The following SRC variants were observed in gnomAD, a reference collection of about 807,000 sequenced individuals.
The protein encoded by SRC is proto-oncogene tyrosine-protein kinase Src.
A neutral mutation model predicts 62.9 loss-of-function variants in SRC; 13 were observed. The observed-to-expected ratio is 0.21, with a 90% CI of 0.13 to 0.33. The LOEUF (loss-of-function observed/expected upper bound fraction) is 0.33. Among genes scored for constraint, SRC ranks in the 10% least tolerant of loss-of-function variants. The probability of loss-of-function intolerance (pLI) is 1.00; values close to 1 mark genes in which losing one functional copy is unlikely to be tolerated. For missense variants in SRC, 457 were observed against 737.3 expected (o/e 0.62, Z 4.40); for synonymous variants, 302 against 317.5 (o/e 0.95, Z 0.52).
chr20:37,350,395 A>C, intron 1 of SRC, among the ~76,000 whole-genome samples: 1 of 152,158 alleles, frequency 6.6e-6, no homozygotes, highest in East Asian at 1.9e-4. Flanking sequence ...CTGTCCTGTG[A>C]TTCAGTTTCT....
At chr20:37,382,285 G>A (rs769095992) in intron 2 of SRC, among the ~76,000 whole-genome samples, 1 of 152,182 alleles carries the variant, frequency 6.6e-6, no homozygotes, top group East Asian at 1.9e-4. Context: ...TGACCCCATC[G>A]TTACAGATGA....
chr20:37,350,515 G>C (rs960353008), intron 1 of SRC, among the ~76,000 whole-genome samples: 1 of 152,132 alleles, frequency 6.6e-6, no homozygotes, highest in South Asian at 2.1e-4. Context: ...CGCTGTTCCT[G>C]GGGGAGGGAG....
intron 1 of SRC, among the ~76,000 whole-genome samples, chr20:37,358,253 G>T (rs1321286690): frequency 6.6e-6 from 1 of 152,208 alleles, no homozygotes; most frequent in Non-Finnish European, 1.5e-5. Context: ...TTTGATCGCT[G>T]TTGTTTTTGT....
chr20:37,380,913 TAA>T (rs1441996294), intron 2 of SRC, among the ~76,000 whole-genome samples: 1 of 152,116 alleles, frequency 6.6e-6, no homozygotes, highest in Non-Finnish European at 1.5e-5. Flanking sequence ...CTCTGAATGA[TAA>T]AAGTTACCAT....
intron 2 of SRC, among the ~76,000 whole-genome samples, chr20:37,368,518 C>CTTTTTTTTTGTTTT (rs2070101694): frequency 1.4e-5 from 1 of 73,898 alleles, no homozygotes; most frequent in Non-Finnish European, 2.7e-5. Context: ...CCTATATTTT[C>CTTTTTTTTTGTTTT]TTTTTTTTTT....
At chr20:37,388,879 C>T (rs1281599962) in intron 5 of SRC, among the ~76,000 whole-genome samples, 2 of 152,084 alleles carry the variant, frequency 1.3e-5, no homozygotes, top group Admixed American at 1.3e-4. Context: ...AGTCTCACAC[C>T]TCATCCCGGG....
chr20:37,385,825 C>G (rs2070445985), intron 4 of SRC, among the ~76,000 whole-genome samples: 1 of 152,250 alleles, frequency 6.6e-6, no homozygotes, highest in Non-Finnish European at 1.5e-5. Context: ...CCCAGCACTG[C>G]CCAAAGCCCC....
intron 1 of SRC, among the ~76,000 whole-genome samples, chr20:37,349,310 G>T (rs1413463650): frequency 6.6e-6 from 1 of 152,172 alleles, no homozygotes; most frequent in African/African-American, 2.4e-5. Flanking sequence ...AGAGCCGGGG[G>T]TGTGGGAAGT....
chr20:37,366,234 T>A (rs747186666), intron 2 of SRC, among the ~76,000 whole-genome samples: 4 of 152,208 alleles, frequency 2.6e-5, no homozygotes, highest in Admixed American at 1.3e-4. Context: ...TCAGAGAGAT[T>A]GTGCTGGTGT....
chr20:37,349,625 T>C (rs1323708227), intron 1 of SRC, among the ~76,000 whole-genome samples: 2 of 152,212 alleles, frequency 1.3e-5, no homozygotes, highest in African/African-American at 4.8e-5. Context: ...CGCTGTTGCA[T>C]TGGACAGGTC....
chr20:37,378,128 A>ATG (rs373813777), intron 2 of SRC, among the ~76,000 whole-genome samples: 5 of 142,396 alleles, frequency 3.5e-5, no homozygotes, highest in South Asian at 2.2e-4. Flanking sequence ...GGCAGAGTGC[A>ATG]TGTGTGTGTG....
chr20:37,385,943 C>A (rs1600999504), intron 4 of SRC, 132 bp from the exon 5 acceptor site: 4 of 725,596 alleles, frequency 5.5e-6, no homozygotes, highest in Non-Finnish European at 9.8e-6. Context: ...CTTCACTGAA[C>A]CTGACTGTGT....
intron 2 of SRC, among the ~76,000 whole-genome samples, chr20:37,379,989 C>A (rs6018189): frequency 1 from 145,195 of 145,306 alleles, 72,542 homozygotes; most frequent in Middle Eastern, 1. Flanking sequence ...AAGAAAAAGA[C>A]CGAGAGAGCT....
chr20:37,388,882 A>G (rs572558479), intron 5 of SRC, among the ~76,000 whole-genome samples: 1 of 152,230 alleles, frequency 6.6e-6, no homozygotes, highest in South Asian at 2.1e-4. Flanking sequence ...CTCACACCTC[A>G]TCCCGGGGAC....
At chr20:37,395,352 G>C (rs2070627103) in intron 7 of SRC, among the ~76,000 whole-genome samples, 2 of 152,236 alleles carry the variant, frequency 1.3e-5, no homozygotes, top group Admixed American at 1.3e-4. Context: ...TGCCTGGCCA[G>C]GCTCCTGAGA....
chr20:37,403,146 T>A lies in SRC; in HGVS notation c.1403-25T>A, dbSNP rs2070768267. 6.6e-7 allele frequency: 1 copy of A among 1,512,866 alleles called. No homozygotes were observed. Among genetic ancestry groups the A allele is most frequent in the East Asian group, 2.5e-5 (1 of 40,488 alleles). 93.7% of individuals were successfully genotyped at this position (1,512,866 alleles called of 1,614,324 possible). The stretch of plus-strand genomic sequence containing the variant: ...CCCACTTTCCTCACCGGAGCCGGGC[T>A]CCCCATGCCTCGCTCTGCCCACAGG... On this transcript the variant is annotated intron_variant, in intron 13 of 13. Transcript: ENST00000373578. The surrounding 1 kb of genome is among the most constrained non-coding windows in gnomAD (Gnocchi z 7.1).
chr20:37,366,854 A>G (rs750809048), intron 2 of SRC, among the ~76,000 whole-genome samples: 1 of 152,098 alleles, frequency 6.6e-6, no homozygotes, highest in Non-Finnish European at 1.5e-5. Flanking sequence ...TTTTGTATAG[A>G]CATATGTTTT....
Position 37,384,799 on chromosome 20 carries a change from C to G in SRC, c.250+396C>G, listed in dbSNP as rs968442415. On this transcript the variant is annotated intron_variant, in intron 4 of 13. Coordinates refer to ENST00000373578, the MANE Select transcript of SRC (RefSeq NM_198291.3). The surrounding 1 kb of genome is among the most constrained non-coding windows in gnomAD (Gnocchi z 6.7). ...GCGGCGGAGGGGCAGCTGGGTCGCT[C>G]GGGGAACGGGGCACCGGATGGCCCC... Among the ~76,000 whole-genome samples, 1 of 152,162 alleles carries G rather than the reference C, an allele frequency of 6.6e-6. No homozygotes were observed. The highest frequency in any genetic ancestry group is 2.4e-5 in the African/African-American group (1 of 41,450).
At chr20:37,360,218 CTTTTTT>C (rs61476973) in intron 1 of SRC, among the ~76,000 whole-genome samples, 10 of 105,632 alleles carry the variant, frequency 9.5e-5, no homozygotes, top group African/African-American at 4.3e-4. Flanking sequence ...CTCTCTCTCT[CTTTTTT>C]TTTTTTTTTT....
Sources: allele counts gnomAD v4.1 joint callset (sites outside exome capture counted in the v4.1 genomes callset), GRCh38; gene constraint gnomAD v4.1.1; non-coding constraint Gnocchi (gnomAD v3.1); transcripts MANE v1.5; gene names NCBI Gene and HGNC (gene_info 2026-07-23, HGNC 2026-07-21).